Variants in ATP2B2 observed in about 807,000 individuals in gnomAD.
The protein encoded by ATP2B2 is plasma membrane calcium-transporting ATPase 2.
In ATP2B2, 15 loss-of-function variants were observed where a neutral mutation model predicts 120.0. That is an observed-to-expected ratio of 0.12 (90% CI 0.08 to 0.19). The LOEUF is 0.19. Among genes scored for constraint, ATP2B2 ranks in the 10% least tolerant of loss-of-function variants. The probability of loss-of-function intolerance (pLI) is 1.00; values close to 1 mark genes in which losing one functional copy is unlikely to be tolerated. For synonymous variants in ATP2B2, 694 were observed against 700.3 expected, an observed-to-expected ratio of 0.99 and a Z score of 0.14; for missense variants, 1,045 against 1,719.8, an observed-to-expected ratio of 0.61 and a Z score of 6.94.
intron 8 of ATP2B2, among the ~76,000 whole-genome samples, chr3:10,384,266 T>C (rs1372810710): frequency 1.3e-5 from 2 of 152,112 alleles, no homozygotes; most frequent in Non-Finnish European, 2.9e-5. Context: ...GTGAATGATA[T>C]GATATAATGG....
At chr3:10,610,106 T>C (rs1453616114) in intron 2 of ATP2B2, among the ~76,000 whole-genome samples, 1 of 146,730 alleles carries the variant, frequency 6.8e-6, no homozygotes, top group African/African-American at 2.5e-5. Flanking sequence ...CACACACATA[T>C]ATACACATAT....
chr3:10,655,195 T>C (rs1170196339), intron 1 of ATP2B2, among the ~76,000 whole-genome samples: 1 of 152,188 alleles, frequency 6.6e-6, no homozygotes, highest in Non-Finnish European at 1.5e-5. Context: ...TCTCATTCAC[T>C]CTCAACTACA....
chr3:10,421,731 C>T (rs1027034896), intron 2 of ATP2B2, among the ~76,000 whole-genome samples: 1 of 152,198 alleles, frequency 6.6e-6, no homozygotes, highest in Non-Finnish European at 1.5e-5. Context: ...TCCTGCCTCA[C>T]CTCTAGCCAT....
chr3:10,411,739 T>G (rs34910), intron 2 of ATP2B2, among the ~76,000 whole-genome samples: 40,139 of 152,020 alleles, frequency 0.26, 6,261 homozygotes, highest in East Asian at 0.7. Context: ...GACAGAAGAG[T>G]GCCCACTTAG....
At chr3:10,672,238 C>T (rs1559514374) in intron 1 of ATP2B2, among the ~76,000 whole-genome samples, 1 of 152,234 alleles carries the variant, frequency 6.6e-6, no homozygotes, top group Admixed American at 6.5e-5. Flanking sequence ...TTCCAACCTC[C>T]TGGCGCTCCA....
chr3:10,574,183 T>C (rs985120626), intron 2 of ATP2B2, among the ~76,000 whole-genome samples: 2 of 152,214 alleles, frequency 1.3e-5, no homozygotes, highest in Non-Finnish European at 2.9e-5. Context: ...AGTTTCTTTC[T>C]TCTGGGTTTT....
chr3:10,542,610 A>T (rs1196177069), intron 2 of ATP2B2, among the ~76,000 whole-genome samples: 1 of 152,068 alleles, frequency 6.6e-6, no homozygotes, highest in Non-Finnish European at 1.5e-5. Context: ...TTTTTGCTGG[A>T]TATGGGACTC....
At position 10,521,186 on chromosome 3, in the gene ATP2B2, C is replaced by T. The variant is rs116095517; in HGVS notation, c.-320+12853G>A. On this transcript the variant is annotated intron_variant, in intron 3 of 21. Transcript: ENST00000646379. ...CTGTGGCACCCCAGCCCCTGTGTGA[C>T]CCACCTTAGTGGGTTTCCTGCCAAG... Among the ~76,000 whole-genome samples the T allele has an allele frequency of 2.8e-3, 426 of 152,356 alleles. 3 individuals carry two copies. Among genetic ancestry groups the T allele is most frequent in the Middle Eastern group, 0.02 (6 of 294 alleles).
rs1182398993 is a variant in ATP2B2 at position 10,346,911 on chromosome 3, C to T, written c.2405-774G>A. 6.6e-6 allele frequency among the ~76,000 whole-genome samples: 1 copy of T among 152,138 alleles called. No individual in the cohort carries two copies. Among genetic ancestry groups the T allele is most frequent in the African/African-American group, 2.4e-5 (1 of 41,424 alleles). ...TGCCAATTCTGGCTCCAAAATCCCA[C>T]TGAAACCCTTCCTTTTCTCTGTCTC... On this transcript the variant is annotated intron_variant, in intron 16 of 22. Transcript: ENST00000360273. The surrounding 1 kb of genome is among the most constrained non-coding windows in gnomAD (Gnocchi z 4.1).
rs2060334138 is a variant in ATP2B2, at chr3:10,343,295, C to A, written c.2704-330G>T. 1.3e-5 allele frequency among the ~76,000 whole-genome samples: 2 copies of A among 152,098 alleles called. No homozygotes were observed. The highest frequency in any genetic ancestry group is 2.1e-4 in the South Asian group (1 of 4,802). On this transcript the variant is annotated intron_variant, in intron 18 of 22. Coordinates refer to ENST00000360273, the MANE Select transcript of ATP2B2 (RefSeq NM_001001331.4). This position sits in a 1 kb window ranked among gnomAD's most constrained non-coding sequence, Gnocchi z 4.2. ...CCCCCGAGGAGGGGGTCTCTCCTGG[C>A]TGAGGCCAAGACCATTCCCACCGCC... is the stretch of plus-strand genomic sequence containing the variant.
At chr3:10,353,580 G>A (rs2060636056) in intron 14 of ATP2B2, among the ~76,000 whole-genome samples, 1 of 152,170 alleles carries the variant, frequency 6.6e-6, no homozygotes, top group Non-Finnish European at 1.5e-5. Context: ...AGAAGGTTCT[G>A]GACCAGGGAT....
At chr3:10,509,896 CCT>C (rs2066725759), upstream of ATP2B2, among the ~76,000 whole-genome samples, 1 of 152,194 alleles carries the variant, frequency 6.6e-6, no homozygotes, top group Non-Finnish European at 1.5e-5. Context: ...ACTCGACCTC[CCT>C]GAGTCCCAGG....
At chr3:10,456,747 A>G (rs1382632406) in intron 1 of ATP2B2, among the ~76,000 whole-genome samples, 3 of 152,226 alleles carry the variant, frequency 2.0e-5, no homozygotes, top group African/African-American at 7.2e-5. Context: ...CACAGCAAAC[A>G]AGGCTAGTTT....
At position 10,329,274 on chromosome 3, in the gene ATP2B2, G is replaced by A; in HGVS notation, c.3421-149C>T. 2 of 801,964 alleles carry A rather than the reference G, an allele frequency of 2.5e-6. No homozygotes were observed. The highest frequency in any genetic ancestry group is 4.2e-6 in the Non-Finnish European group (2 of 474,534). 49.7% of individuals were successfully genotyped at this position (801,964 alleles called of 1,614,324 possible). ...TGGGTGTTATTAGCATTGACAGGAT[G>A]GGGGAGAGTGAAAAAGGGGGCTCAG... On this transcript the variant is annotated intron_variant, in intron 22 of 22. Transcript: ENST00000360273. The surrounding 1 kb of genome is among the most constrained non-coding windows in gnomAD (Gnocchi z 5.9).
chr3:10,472,517 C>T (rs907895818), intron 1 of ATP2B2, among the ~76,000 whole-genome samples: 18 of 152,206 alleles, frequency 1.2e-4, no homozygotes, highest in Non-Finnish European at 2.4e-4. Context: ...CCCTCGGATT[C>T]GGGTTATTTT....
Position 10,342,744 on chromosome 3 carries a change from G to C in ATP2B2, c.2917+8C>G. On this transcript the variant is annotated splice_region_variant and intron_variant, in intron 19 of 22. Transcript: ENST00000360273. The surrounding 1 kb of genome is among the most constrained non-coding windows in gnomAD (Gnocchi z 4.4). ...CCTGGGAGAGGCGTGGGTGGGCGAG[G>C]CGCTCACCAACAAAGAGCAGGGTGA... is the stretch of plus-strand genomic sequence containing the variant. The C allele has an allele frequency of 6.2e-7, 1 of 1,613,802 alleles. No homozygotes were observed. The highest frequency in any genetic ancestry group is 8.5e-7 in the Non-Finnish European group (1 of 1,179,862).
chr3:10,422,205 C>T (rs939552359), intron 2 of ATP2B2, among the ~76,000 whole-genome samples: 2 of 152,186 alleles, frequency 1.3e-5, no homozygotes, highest in African/African-American at 4.8e-5. Flanking sequence ...GCTGAGGTTG[C>T]CCAGATGCTC....
intron 2 of ATP2B2, among the ~76,000 whole-genome samples, chr3:10,436,702 G>A (rs745498639): frequency 1.3e-5 from 2 of 152,294 alleles, no homozygotes; most frequent in Non-Finnish European, 2.9e-5. Context: ...CTCCTAAGCT[G>A]CCCTCTTGCC....
chr3:10,620,440 G>A (rs913551028), intron 1 of ATP2B2, among the ~76,000 whole-genome samples: 7 of 152,336 alleles, frequency 4.6e-5, no homozygotes, highest in African/African-American at 1.7e-4. Context: ...GAATCAGTCA[G>A]GGACTTGGGG....
Sources: gnomAD v4.1 joint callset for allele counts (sites outside exome capture counted in the v4.1 genomes callset) on GRCh38, gnomAD v4.1.1 for gene constraint, Gnocchi (gnomAD v3.1) non-coding constraint, MANE v1.5 for transcripts, NCBI Gene and HGNC (gene_info 2026-07-23, HGNC 2026-07-21) for gene names.